Variants in LUC7L2 observed in about 807,000 individuals in gnomAD.
The protein encoded by LUC7L2 is putative RNA-binding protein Luc7-like 2.
LUC7L2 carries 25 observed loss-of-function variants against 52.8 expected under a neutral mutation model. The ratio of observed to expected loss-of-function variants is 0.47; its 90% confidence interval spans 0.34 to 0.66. The LOEUF is 0.66. Among genes scored for constraint, LUC7L2 ranks in the 30% least tolerant of loss-of-function variants. The probability of loss-of-function intolerance (pLI) is 0.01; values close to 1 mark genes in which losing one functional copy is unlikely to be tolerated. For synonymous variants in LUC7L2, 144 were observed against 160.9 expected (o/e 0.89, Z 0.80); for missense variants, 328 against 497.8 (o/e 0.66, Z 3.25).
At chr7:139,417,471 A>G (rs1795672758) in intron 8 of LUC7L2, 67 bp from the exon 9 acceptor site, 14 of 1,541,450 alleles carry the variant, frequency 9.1e-6, no homozygotes, top group Non-Finnish European at 1.1e-5. Flanking sequence ...CTTTAAAGAA[A>G]AGGCTTTAAT....
Position 139,402,166 on chromosome 7 carries a change from A to G in LUC7L2, c.285A>G (p.Ala95=). Residue 95 remains alanine (A), a synonymous_variant, in exon 4 of 10, where the codon GCA becomes GCG. Coordinates refer to ENST00000354926, the MANE Select transcript of LUC7L2 (RefSeq NM_016019.5). ...TGGATCATCTGCAGTCATTCATTGC[A>G]GATTGTGATCGTAGAACAGAAGTGG... The part of the protein sequence containing the change: ...DAMDHLQSFI[A]DCDRRTEVAK... The G allele has an allele frequency of 3.7e-6, 6 of 1,609,188 alleles. No homozygotes were observed. Among genetic ancestry groups the G allele is most frequent in the Non-Finnish European group, 5.1e-6 (6 of 1,178,460 alleles).
chr7:139,407,022 T>TTTTTTTGTGG, intron 5 of LUC7L2, 152 bp from the exon 6 acceptor site: 1 of 319,780 alleles, frequency 3.1e-6, no homozygotes, highest in Non-Finnish European at 5.1e-6. Flanking sequence ...TTTTTTTTTT[T>TTTTTTTGTGG]GAGCTGGAGT....
chr7:139,416,086 T>TATATATAC, intron 8 of LUC7L2: 1 of 71,290 alleles, frequency 1.4e-5, no homozygotes, highest in East Asian at 3.3e-4. Context: ...TATATATATA[T>TATATATAC]ATATGATTTA....
At chr7:139,405,490 T>C (rs561298466) in intron 4 of LUC7L2, among the ~76,000 whole-genome samples, 154 bp from the exon 5 acceptor site, 1 of 152,246 alleles carries the variant, frequency 6.6e-6, no homozygotes, top group Non-Finnish European at 1.5e-5. Context: ...AACATCCTGA[T>C]GTCTCAGTAG....
intron 1 of LUC7L2, chr7:139,341,048 C>T: frequency 4.3e-6 from 1 of 234,594 alleles, no homozygotes; most frequent in Non-Finnish European, 8.3e-6. Flanking sequence ...ACACCCCCCG[C>T]CGGGCCCGCT....
At chr7:139,381,944 G>A (rs991175962) in intron 2 of LUC7L2, among the ~76,000 whole-genome samples, 7 of 146,994 alleles carry the variant, frequency 4.8e-5, no homozygotes, top group Non-Finnish European at 8.9e-5. Flanking sequence ...GAGTGCAGTG[G>A]CACGGTCTCG....
At chr7:139,416,906 G>A (rs1795648203) in intron 8 of LUC7L2, 1 of 152,166 alleles carries the variant, frequency 6.6e-6, no homozygotes, top group East Asian at 1.9e-4. Context: ...ATATTTAAGT[G>A]CAATTAAATT....
At chr7:139,393,171 G>GCAGGAGAATTGCTTGAAC (rs1442292241) in intron 2 of LUC7L2, among the ~76,000 whole-genome samples, 5 of 152,018 alleles carry the variant, frequency 3.3e-5, no homozygotes, top group South Asian at 2.1e-4. Context: ...GGAGGCCGAG[G>GCAGGAGAATTGCTTGAAC]CAGGAGAATT....
At position 139,407,242 on chromosome 7, in the gene LUC7L2, C is replaced by T; in HGVS notation, c.579C>T (p.Cys193=). 1.2e-6 allele frequency: 2 copies of T among 1,613,002 alleles called. No individual in the cohort carries two copies. Among genetic ancestry groups the T allele is most frequent in the Non-Finnish European group, 1.7e-6 (2 of 1,179,316 alleles). ...AGAAACTTCGAGTCTGTGAAGTCTG[C>T]TCTGCCTATTTAGGACTTCATGATA... ...QQQKLRVCEV[C]SAYLGLHDND... The change falls in exon 6 of 10, where the codon TGC becomes TGT. Residue 193 remains cysteine (C), a synonymous_variant. Transcript: ENST00000354926.
At chr7:139,345,545 C>A in intron 1 of LUC7L2, 1 of 1,614,162 alleles carries the variant, frequency 6.2e-7, no homozygotes, top group Non-Finnish European at 8.5e-7. Context: ...AGCTTCATTT[C>A]CAAGCTGCCA....
At chr7:139,364,313 G>C (rs1800034187) in intron 1 of LUC7L2, among the ~76,000 whole-genome samples, 1 of 151,958 alleles carries the variant, frequency 6.6e-6, no homozygotes, top group Non-Finnish European at 1.5e-5. Flanking sequence ...TCTCTTAATT[G>C]CTTATACCTT....
rs539219400 is a variant in LUC7L2, at chr7:139,348,508, C to T, written c.-26+7991C>T. 1.1e-4 allele frequency among the ~76,000 whole-genome samples: 17 copies of T among 151,464 alleles called. No homozygotes were observed. The East Asian group carries it at 1.4e-3, about 12-fold the overall frequency. On this transcript the variant is annotated intron_variant, in intron 1 of 10. Transcript: ENST00000541170. ...GGCCGAGGCAGGTGGATCACAAGGT[C>T]GAGAGATTGAGACCATCCTGGCCAA...
intron 2 of LUC7L2, among the ~76,000 whole-genome samples, chr7:139,377,168 C>T (rs1393806058): frequency 1.3e-5 from 2 of 152,128 alleles, no homozygotes; most frequent in South Asian, 4.1e-4. Flanking sequence ...AGGACTGTGA[C>T]AGATAATAAA....
chr7:139,408,491 A>C (rs1191729923), intron 6 of LUC7L2, among the ~76,000 whole-genome samples: 1 of 152,224 alleles, frequency 6.6e-6, no homozygotes, highest in African/African-American at 2.4e-5. Flanking sequence ...ATACAAAATA[A>C]TACTAGAAAA....
intron 9 of LUC7L2, among the ~76,000 whole-genome samples, chr7:139,421,088 A>C (rs1433737132): frequency 6.6e-6 from 1 of 152,228 alleles, no homozygotes; most frequent in African/African-American, 2.4e-5. Flanking sequence ...GGCGTGAGTC[A>C]CCGTGCCCAG....
chr7:139,404,148 T>C (rs1287155546), intron 4 of LUC7L2, among the ~76,000 whole-genome samples: 2 of 152,186 alleles, frequency 1.3e-5, no homozygotes, highest in African/African-American at 4.8e-5. Flanking sequence ...GGTTGAAGGA[T>C]ATTTGAGAAG....
At chr7:139,394,461 A>T (rs7795520) in intron 2 of LUC7L2, among the ~76,000 whole-genome samples, 1 of 152,010 alleles carries the variant, frequency 6.6e-6, no homozygotes, top group Non-Finnish European at 1.5e-5. Flanking sequence ...TTCTTAGTCT[A>T]CATAGTTGCT....
chr7:139,409,248 T>G lies in LUC7L2; in HGVS notation c.688-315T>G, dbSNP rs145831798. ...CTGGAGCCCAGGAGTTGTAGACCCA[T>G]CTGGGCAACATAGCGAGATTCTGTC... On this transcript the variant is annotated intron_variant, in intron 6 of 9. Coordinates refer to ENST00000354926, the MANE Select transcript of LUC7L2 (RefSeq NM_016019.5). Among the ~76,000 whole-genome samples, 4 of 151,520 alleles carry G rather than the reference T, an allele frequency of 2.6e-5. No homozygotes were observed. The East Asian group carries it at 7.8e-4, about 29-fold the overall frequency.
chr7:139,413,535 T>C (rs1479990678), intron 8 of LUC7L2, among the ~76,000 whole-genome samples: 1 of 152,208 alleles, frequency 6.6e-6, no homozygotes, highest in Non-Finnish European at 1.5e-5. Context: ...CACAGCTCTT[T>C]GGGAGGCCGA....
Sources: allele counts gnomAD v4.1 joint callset (sites outside exome capture counted in the v4.1 genomes callset), GRCh38; gene constraint gnomAD v4.1.1; transcripts MANE v1.5; gene names NCBI Gene and HGNC (gene_info 2026-07-23, HGNC 2026-07-21).